Variants in SCAI observed in about 807,000 individuals in gnomAD.
SCAI encodes protein SCAI.
A neutral mutation model predicts 92.2 loss-of-function variants in SCAI; 24 were observed. That is an observed-to-expected ratio of 0.26 (90% CI 0.19 to 0.37). The LOEUF (loss-of-function observed/expected upper bound fraction) is 0.37. Ranked by LOEUF, SCAI falls within the 10% of genes least tolerant of loss-of-function variation. The pLI is 1.00. For missense variants in SCAI, 450 were observed against 736.2 expected (o/e 0.61, Z 4.50); for synonymous variants, 261 against 258.6 (o/e 1.01, Z -0.09).
chr9:124,991,451 T>C (rs13285936), intron 14 of SCAI, among the ~76,000 whole-genome samples: 28,403 of 150,994 alleles, frequency 0.19, 3,117 homozygotes, highest in Non-Finnish European at 0.24. Context: ...AAAACACTTA[T>C]ATACTCATAA....
chr9:125,011,464 G>A (rs541243241), intron 9 of SCAI, among the ~76,000 whole-genome samples: 78 of 152,278 alleles, frequency 5.1e-4, no homozygotes, highest in Middle Eastern at 6.8e-3. Flanking sequence ...GAAATGAAGC[G>A]AGAAGGGAAG....
rs1280179862 is a variant in SCAI, at chr9:124,944,041, T to A, written c.*8766A>T. 1 of 152,214 alleles carries A rather than the reference T, an allele frequency of 6.6e-6. No individual in the cohort carries two copies. The highest frequency in any genetic ancestry group is 2.4e-5 in the African/African-American group (1 of 41,452). 9.4% of individuals were successfully genotyped at this position (152,214 alleles called of 1,614,324 possible). A position where few individuals can be genotyped will look rare whatever the true frequency, so the allele number is the denominator to read the frequency against. ...TATTTGCCTTTCCTATTATCTAAGA[T>A]GTTTCTACCTCAACTGGAAGAATCA... On this transcript the variant is annotated 3_prime_UTR_variant, in exon 18 of 18. Transcript: ENST00000336505.
intron 2 of SCAI, among the ~76,000 whole-genome samples, chr9:125,097,467 T>C (rs971953167): frequency 2.0e-5 from 3 of 151,950 alleles, no homozygotes; most frequent in Non-Finnish European, 4.4e-5. Context: ...AAAAAGTAAA[T>C]AAATTAAATC....
At chr9:125,069,980 G>A (rs982794642) in intron 2 of SCAI, among the ~76,000 whole-genome samples, 1 of 152,092 alleles carries the variant, frequency 6.6e-6, no homozygotes, top group African/African-American at 2.4e-5. Context: ...AATTAAGCAT[G>A]AGCATAAAAT....
rs1343129148 is a variant in SCAI at position 125,085,402 on chromosome 9, A to G, written c.99-29395T>C. Among the ~76,000 whole-genome samples the G allele has an allele frequency of 3.3e-5, 5 of 152,104 alleles. 1 individual carries two copies. In the South Asian group the frequency reaches 6.2e-4, roughly 19 times the overall value. The stretch of plus-strand genomic sequence containing the variant: ...CTCAGGAAGCTGAGGCAGGAGAATC[A>G]CTTGAACCCAAAGGGCGGGGACTGC... On this transcript the variant is annotated intron_variant, in intron 2 of 17. Transcript: ENST00000336505.
chr9:125,031,626 G>A (rs1833076670), intron 3 of SCAI, among the ~76,000 whole-genome samples: 1 of 152,046 alleles, frequency 6.6e-6, no homozygotes, highest in South Asian at 2.1e-4. Context: ...TCAATTTGGG[G>A]AATTCGTATT....
At chr9:125,002,300 A>C (rs1303457641) in intron 11 of SCAI, among the ~76,000 whole-genome samples, 1 of 152,140 alleles carries the variant, frequency 6.6e-6, no homozygotes, top group Non-Finnish European at 1.5e-5. Flanking sequence ...TATTCTCCGA[A>C]AACTTGAATG....
At chr9:125,000,107 TTTAAA>T in intron 12 of SCAI, 117 bp from the exon 13 acceptor site, 1 of 477,780 alleles carries the variant, frequency 2.1e-6, no homozygotes, top group Non-Finnish European at 3.6e-6. Flanking sequence ...TAATTACACA[TTTAAA>T]TTATTTTAAA....
Position 124,945,612 on chromosome 9 carries a change from A to C in SCAI, c.*7195T>G, listed in dbSNP as rs1831133838. The C allele has an allele frequency of 1.3e-5, 2 of 152,222 alleles. No individual in the cohort carries two copies. The highest frequency in any genetic ancestry group is 4.8e-5 in the African/African-American group (2 of 41,470). The allele number at this position is 152,222 out of a possible 1,614,324, so 9.4% of individuals were successfully genotyped here. ...AAAAGAAATTAACAAAAATATTTTA[A>C]AATTAAGAATGGTGCTTCAATCAGT... On this transcript the variant is annotated 3_prime_UTR_variant, in exon 18 of 18. Transcript: ENST00000336505.
intron 2 of SCAI, among the ~76,000 whole-genome samples, chr9:125,105,197 T>C (rs1434872420): frequency 6.6e-6 from 1 of 152,056 alleles, no homozygotes; most frequent in African/African-American, 2.4e-5. Context: ...TAGCTGGGCA[T>C]GGTGACATGC....
At chr9:125,060,223 T>C (rs1588186596) in intron 2 of SCAI, among the ~76,000 whole-genome samples, 1 of 146,498 alleles carries the variant, frequency 6.8e-6, no homozygotes, top group African/African-American at 2.5e-5. Flanking sequence ...AAATGTGAGG[T>C]ATAAGTGTAA....
At chr9:125,079,113 A>G (rs1028333939) in intron 2 of SCAI, among the ~76,000 whole-genome samples, 6 of 151,718 alleles carry the variant, frequency 4.0e-5, no homozygotes, top group African/African-American at 1.5e-4. Context: ...ATATTCATCT[A>G]TTTTGATAAT....
intron 17 of SCAI, chr9:124,968,658 A>T: frequency 8.5e-7 from 1 of 1,177,062 alleles, no homozygotes; most frequent in Non-Finnish European, 1.3e-6. Flanking sequence ...GGTCTCATCT[A>T]CAGAGCCTGG....
intron 9 of SCAI, among the ~76,000 whole-genome samples, chr9:125,015,439 C>T (rs1367913839): frequency 6.6e-6 from 1 of 152,126 alleles, no homozygotes; most frequent in African/African-American, 2.4e-5. Flanking sequence ...AAAATGCTCA[C>T]CATCACTAGC....
chr9:124,958,405 T>C (rs1285714349), intron 17 of SCAI, among the ~76,000 whole-genome samples: 1 of 152,188 alleles, frequency 6.6e-6, no homozygotes, highest in East Asian at 1.9e-4. Flanking sequence ...TTCAGAAATA[T>C]CCTTATACAT....
Position 124,942,667 on chromosome 9 carries a change from A to G in SCAI, c.*10140T>C, listed in dbSNP as rs908185720. On this transcript the variant is annotated 3_prime_UTR_variant, in exon 18 of 18. Coordinates refer to ENST00000336505, the MANE Select transcript of SCAI (RefSeq NM_001144877.3). ...TACACTTAATATATATGTGGATTCA[A>G]GGTACAAAATTCATGTACAAGAGTT... The G allele has an allele frequency of 9.9e-5, 15 of 152,270 alleles. No homozygotes were observed. Among genetic ancestry groups the G allele is most frequent in the African/African-American group, 3.1e-4 (13 of 41,478 alleles). 9.4% of individuals were successfully genotyped at this position (152,270 alleles called of 1,614,324 possible). A position where few individuals can be genotyped will look rare whatever the true frequency, so the allele number is the denominator to read the frequency against.
At chr9:125,133,727 A>G (rs1422297699) in intron 2 of SCAI, among the ~76,000 whole-genome samples, 1 of 151,914 alleles carries the variant, frequency 6.6e-6, no homozygotes, top group Non-Finnish European at 1.5e-5. Flanking sequence ...GTACCTCTAC[A>G]GACCTGTTCA....
At chr9:125,064,287 T>C (rs1056159430) in intron 2 of SCAI, among the ~76,000 whole-genome samples, 1 of 152,032 alleles carries the variant, frequency 6.6e-6, no homozygotes, top group South Asian at 2.1e-4. Flanking sequence ...GAACCACACA[T>C]CTACAAACTG....
At chr9:124,972,929 C>T (rs1714261535) in intron 15 of SCAI, among the ~76,000 whole-genome samples, 2 of 152,196 alleles carry the variant, frequency 1.3e-5, no homozygotes, top group Non-Finnish European at 1.5e-5. Context: ...TAACTGAATG[C>T]TCTTTCATGC....
Sources: gnomAD v4.1 joint callset for allele counts (sites outside exome capture counted in the v4.1 genomes callset) on GRCh38, gnomAD v4.1.1 for gene constraint, MANE v1.5 for transcripts, NCBI Gene and HGNC (gene_info 2026-07-23, HGNC 2026-07-21) for gene names.